The following KCNK9 variants were observed in gnomAD, a reference collection of about 807,000 sequenced individuals.
The protein encoded by KCNK9 is potassium channel subfamily K member 9.
In KCNK9, 1 loss-of-function variant was observed where a neutral mutation model predicts 10.8. That is an observed-to-expected ratio of 0.09 (90% CI 0.03 to 0.44). The LOEUF (loss-of-function observed/expected upper bound fraction) is 0.44, where lower values mean the gene tolerates loss of function less well. KCNK9 is among the 20% of genes least tolerant of loss of function. The pLI, the probability that KCNK9 is intolerant of heterozygous loss-of-function variation, is 0.97. For synonymous variants in KCNK9, 231 were observed against 222.7 expected, an observed-to-expected ratio of 1.04 and a Z score of -0.33; for missense variants, 303 against 515.0, an observed-to-expected ratio of 0.59 and a Z score of 3.98.
intron 2 of KCNK9, among the ~76,000 whole-genome samples, chr8:139,605,459 G>T (rs1817464817): frequency 6.6e-6 from 1 of 152,150 alleles, no homozygotes; most frequent in South Asian, 2.1e-4. Context: ...TAGGGGAAAG[G>T]CCTCCGAGTA....
At chr8:139,687,452 A>G (rs1467865145) in intron 1 of KCNK9, among the ~76,000 whole-genome samples, 2 of 143,448 alleles carry the variant, frequency 1.4e-5, no homozygotes, top group African/African-American at 5.2e-5. Context: ...ATGTATACAC[A>G]TATATATTCA....
intron 1 of KCNK9, among the ~76,000 whole-genome samples, chr8:139,669,108 C>A (rs1463386962): frequency 8.9e-6 from 1 of 112,238 alleles, no homozygotes; most frequent in Non-Finnish European, 2.0e-5. Context: ...ATTAAAAGTA[C>A]TCTACTGCTA....
Position 139,702,362 on chromosome 8 carries a change from C to T in KCNK9, c.283+348G>A, listed in dbSNP as rs1408297633. ...GAGCCCCGCGCAGCCCAGCCCGCGC[C>T]GGGGCGGTGGGTGGGTGGGTGTCTG... On this transcript the variant is annotated intron_variant, in intron 1 of 1. Transcript: ENST00000520439. This position sits in a 1 kb window ranked among gnomAD's most constrained non-coding sequence, Gnocchi z 7.5. Among the ~76,000 whole-genome samples, 2 of 152,096 alleles carry T rather than the reference C, an allele frequency of 1.3e-5. No homozygotes were observed. The highest frequency in any genetic ancestry group is 6.5e-5 in the Admixed American group (1 of 15,282).
intron 1 of KCNK9, among the ~76,000 whole-genome samples, chr8:139,643,666 G>T (rs1815579816): frequency 6.6e-6 from 1 of 152,132 alleles, no homozygotes; most frequent in Non-Finnish European, 1.5e-5. Context: ...CCATCCTATG[G>T]CTCAAGTCTA....
At chr8:139,630,390 TGCC>T (rs920697777) in intron 1 of KCNK9, among the ~76,000 whole-genome samples, 4 of 152,074 alleles carry the variant, frequency 2.6e-5, no homozygotes, top group African/African-American at 4.8e-5. Context: ...TCCTGGGCTC[TGCC>T]GCCGCCGCCG....
intron 1 of KCNK9, among the ~76,000 whole-genome samples, chr8:139,626,021 C>G (rs1814960993): frequency 6.6e-6 from 1 of 152,168 alleles, no homozygotes; most frequent in Admixed American, 6.5e-5. Flanking sequence ...AAGATGCATA[C>G]TATATACACG....
At chr8:139,620,231 G>GTT (rs11388803) in intron 1 of KCNK9, among the ~76,000 whole-genome samples, 2 of 152,006 alleles carry the variant, frequency 1.3e-5, no homozygotes, top group African/African-American at 2.4e-5. Flanking sequence ...CATGGACAGT[G>GTT]TTTTTTTGGA....
chr8:139,650,373 A>G (rs1003383623), intron 1 of KCNK9, among the ~76,000 whole-genome samples: 4 of 152,180 alleles, frequency 2.6e-5, no homozygotes, highest in Admixed American at 2.0e-4. Flanking sequence ...TCGACCTGGC[A>G]CACACAGTGC....
intron 2 of KCNK9, among the ~76,000 whole-genome samples, chr8:139,604,184 G>A (rs184978911): frequency 2.0e-5 from 3 of 152,330 alleles, no homozygotes; most frequent in African/African-American, 4.8e-5. Context: ...AGGTATTCAG[G>A]GAAGGCTGAA....
chr8:139,655,881 C>T (rs916928193), intron 1 of KCNK9, among the ~76,000 whole-genome samples: 10 of 152,302 alleles, frequency 6.6e-5, no homozygotes, highest in African/African-American at 1.9e-4. Context: ...GGAGACAGAG[C>T]GATGCTGTGG....
At chr8:139,655,684 ACT>A (rs1462055703) in intron 1 of KCNK9, among the ~76,000 whole-genome samples, 1 of 151,894 alleles carries the variant, frequency 6.6e-6, no homozygotes, top group Non-Finnish European at 1.5e-5. Context: ...CACATGTCTG[ACT>A]CTAAGCAGAT....
chr8:139,623,479 T>A (rs1318443729), intron 1 of KCNK9, among the ~76,000 whole-genome samples: 1 of 152,116 alleles, frequency 6.6e-6, no homozygotes, highest in East Asian at 1.9e-4. Context: ...CCCTGCCCAG[T>A]GCCCAACACG....
intron 1 of KCNK9, among the ~76,000 whole-genome samples, chr8:139,635,118 C>T (rs1815299580): frequency 6.6e-6 from 1 of 152,228 alleles, no homozygotes; most frequent in Non-Finnish European, 1.5e-5. Context: ...TGTTTTACTG[C>T]CATGCATAGC....
At chr8:139,652,541 C>G (rs1815898315) in intron 1 of KCNK9, among the ~76,000 whole-genome samples, 2 of 152,214 alleles carry the variant, frequency 1.3e-5, no homozygotes, top group Non-Finnish European at 2.9e-5. Context: ...GAGGGGCCTT[C>G]CACCCATGCT....
chr8:139,674,751 G>T (rs569463072), intron 1 of KCNK9, among the ~76,000 whole-genome samples: 11 of 152,280 alleles, frequency 7.2e-5, no homozygotes, highest in African/African-American at 2.4e-4. Context: ...AGTCACTAAA[G>T]CCAAGCACCC....
intron 1 of KCNK9, among the ~76,000 whole-genome samples, chr8:139,668,384 C>G (rs1179559368): frequency 4.0e-5 from 6 of 151,382 alleles, no homozygotes; most frequent in Non-Finnish European, 7.4e-5. Flanking sequence ...CACAATGGTA[C>G]TGCACACTTA....
chr8:139,641,207 C>T (rs1815495691), intron 1 of KCNK9, among the ~76,000 whole-genome samples: 2 of 152,120 alleles, frequency 1.3e-5, no homozygotes, highest in South Asian at 4.1e-4. Flanking sequence ...GTGGTGAGAA[C>T]CCTGGGCCCG....
At chr8:139,698,257 G>A (rs1361006804) in intron 1 of KCNK9, among the ~76,000 whole-genome samples, 5 of 152,164 alleles carry the variant, frequency 3.3e-5, no homozygotes, top group East Asian at 1.9e-4. Context: ...TGGAGGCTCC[G>A]TGCTCCTCTG....
chr8:139,642,736 G>T (rs1343844395), intron 1 of KCNK9, among the ~76,000 whole-genome samples: 1 of 152,234 alleles, frequency 6.6e-6, no homozygotes, highest in Non-Finnish European at 1.5e-5. Context: ...CCCCCACAGG[G>T]CCTGCTCAGG....
Sources: allele counts gnomAD v4.1 joint callset (sites outside exome capture counted in the v4.1 genomes callset), GRCh38; gene constraint gnomAD v4.1.1; non-coding constraint Gnocchi (gnomAD v3.1); transcripts MANE v1.5; gene names NCBI Gene and HGNC (gene_info 2026-07-23, HGNC 2026-07-21).